The following KIF13B variants were observed in gnomAD, a reference collection of about 807,000 sequenced individuals.
KIF13B encodes kinesin family member 13B, also known as kinesin-like protein KIF13B.
A neutral mutation model predicts 222.0 loss-of-function variants in KIF13B; 127 were observed. The observed-to-expected ratio is 0.57, with a 90% CI of 0.50 to 0.66. The LOEUF (loss-of-function observed/expected upper bound fraction) is 0.66. KIF13B is among the 30% of genes least tolerant of loss of function. The probability of loss-of-function intolerance (pLI) is 0.00; values close to 1 mark genes in which losing one functional copy is unlikely to be tolerated. For missense variants in KIF13B, 2,173 were observed against 2,379.0 expected (o/e 0.91, Z 1.80); for synonymous variants, 976 against 919.0 (o/e 1.06, Z -1.12).
chr8:29,084,919 C>G (rs1807975760), intron 37 of KIF13B, among the ~76,000 whole-genome samples: 1 of 152,204 alleles, frequency 6.6e-6, no homozygotes, highest in Non-Finnish European at 1.5e-5. Flanking sequence ...TCAGCTGCCA[C>G]CTCTTTCAGT....
intron 2 of KIF13B, among the ~76,000 whole-genome samples, chr8:29,240,760 T>C (rs1282597741): frequency 6.6e-6 from 1 of 152,218 alleles, no homozygotes. Context: ...CTGAATGCCT[T>C]GAGGCAGGAT....
chr8:29,107,006 C>T (rs1395713463), intron 35 of KIF13B, among the ~76,000 whole-genome samples: 3 of 152,116 alleles, frequency 2.0e-5, no homozygotes, highest in African/African-American at 7.2e-5. Flanking sequence ...GTGTGGTGCC[C>T]AAGTAAGACA....
rs1345194818 is a variant in KIF13B, at chr8:29,075,363, G to A, written c.4459-20C>T. ...CACGGGCTGAGGAGGCAAGTGTGCA[G>A]GTCAGGGGTCGAGAGGACAGAACAG... is the stretch of plus-strand genomic sequence containing the variant. On this transcript the variant is annotated intron_variant, in intron 37 of 39. Transcript: ENST00000524189. The A allele has an allele frequency of 6.4e-7, 1 of 1,552,446 alleles. No homozygotes were observed. The highest frequency in any genetic ancestry group is 1.2e-5 in the South Asian group (1 of 83,906).
chr8:29,117,356 A>T (rs1162636811), intron 30 of KIF13B, among the ~76,000 whole-genome samples: 3 of 152,164 alleles, frequency 2.0e-5, no homozygotes, highest in Non-Finnish European at 4.4e-5. Context: ...CTTTCTCACA[A>T]CTCACACACA....
At chr8:29,168,729 G>A (rs531821830) in intron 10 of KIF13B, among the ~76,000 whole-genome samples, 78 of 152,148 alleles carry the variant, frequency 5.1e-4, no homozygotes, top group African/African-American at 1.9e-3. Context: ...TGATGATGAC[G>A]GCAGCCCCCC....
intron 2 of KIF13B, among the ~76,000 whole-genome samples, chr8:29,238,362 G>C (rs757655848): frequency 2.0e-5 from 3 of 152,058 alleles, no homozygotes; most frequent in Non-Finnish European, 4.4e-5. Flanking sequence ...ATACTTTAAG[G>C]GCTCCAATCT....
In KIF13B at chr8:29,112,667, G is replaced by A. The variant is rs368648370; in HGVS notation, c.3930+796C>T. 2.6e-5 allele frequency among the ~76,000 whole-genome samples: 4 copies of A among 152,190 alleles called. No homozygotes were observed. The South Asian group carries it at 6.2e-4, about 24-fold the overall frequency. ...CCCACATCCCCTCTTTGAGGGTGAG[G>A]GTGGGAGAAGGAATTTTCTCTTTTC... On this transcript the variant is annotated intron_variant, in intron 32 of 39. Transcript: ENST00000524189.
At chr8:29,179,376 C>T (rs183304929) in intron 8 of KIF13B, among the ~76,000 whole-genome samples, 4 of 152,310 alleles carry the variant, frequency 2.6e-5, no homozygotes, top group South Asian at 2.1e-4. Flanking sequence ...CTTGGCCTCC[C>T]GAAGTGCTGG....
chr8:29,130,539 G>A lies in KIF13B; in HGVS notation c.3069C>T (p.Leu1023=), dbSNP rs1457354490. 1.2e-6 allele frequency: 2 copies of A among 1,613,658 alleles called. No homozygotes were observed. The highest frequency in any genetic ancestry group is 1.3e-5 in the African/African-American group (1 of 74,920). ...ACATTCACAATCTTGTTACCTGCCG[G>A]AGCTGGAAGATTCCTCCTGTTGGGA... The part of the protein sequence containing the change: ...KDVPTGGIFQ[L]RQGQSRRVQV... The change falls in exon 24 of 40, where the codon CTC becomes CTT. Residue 1023 remains leucine (L), a synonymous_variant. Coordinates refer to ENST00000524189, the MANE Select transcript of KIF13B (RefSeq NM_015254.4).
chr8:29,226,869 G>GA (rs1367809348), intron 2 of KIF13B, among the ~76,000 whole-genome samples: 1 of 152,036 alleles, frequency 6.6e-6, no homozygotes, highest in Non-Finnish European at 1.5e-5. Flanking sequence ...TTCCAAGTTG[G>GA]AAAATGGAAG....
chr8:29,250,364 C>T (rs1816230230), intron 1 of KIF13B, among the ~76,000 whole-genome samples: 1 of 152,124 alleles, frequency 6.6e-6, no homozygotes, highest in South Asian at 2.1e-4. Context: ...CTCTCATATG[C>T]TCTTAACAGC....
intron 14 of KIF13B, among the ~76,000 whole-genome samples, chr8:29,151,886 T>G (rs1166104560): frequency 7.4e-6 from 1 of 134,598 alleles, no homozygotes; most frequent in African/African-American, 2.5e-5. Flanking sequence ...AGGCTATAGC[T>G]GCTATAGACA....
At chr8:29,076,784 G>T (rs75944465) in intron 37 of KIF13B, among the ~76,000 whole-genome samples, 1 of 152,188 alleles carries the variant, frequency 6.6e-6, no homozygotes, top group Non-Finnish European at 1.5e-5. Flanking sequence ...GAGAGGACTC[G>T]AGAGGAAACG....
intron 6 of KIF13B, among the ~76,000 whole-genome samples, chr8:29,186,018 G>A (rs1458198962): frequency 2.6e-5 from 4 of 152,066 alleles, no homozygotes; most frequent in African/African-American, 9.7e-5. Context: ...TAAAGACTAG[G>A]TTTCATCTCT....
chr8:29,220,794 G>GT (rs1814707079), intron 2 of KIF13B, among the ~76,000 whole-genome samples: 1 of 152,044 alleles, frequency 6.6e-6, no homozygotes, highest in East Asian at 1.9e-4. Flanking sequence ...GAGAGATAAC[G>GT]TTTAAGGTTG....
At position 29,072,318 on chromosome 8, in the gene KIF13B, TGCA is replaced by T. The variant is rs1478167128; in HGVS notation, c.4522-5_4522-3del. 7.1e-7 allele frequency: 1 copy of T among 1,406,282 alleles called. No homozygotes were observed. Among genetic ancestry groups the T allele is most frequent in the African/African-American group, 1.5e-5 (1 of 66,924 alleles). 87.1% of individuals were successfully genotyped at this position (1,406,282 alleles called of 1,614,324 possible). On this transcript the variant is annotated splice_region_variant and splice_polypyrimidine_tract_variant and intron_variant, in intron 38 of 39. Transcript: ENST00000524189. ...GTCAGGGCCCATCTCCGGCTGAGCC[TGCA>T]GCAGGACGGGGAAGCAGGGGCTGAG... is the stretch of plus-strand genomic sequence containing the variant.
chr8:29,121,854 A>G (rs1563719024), intron 29 of KIF13B, among the ~76,000 whole-genome samples: 1 of 152,172 alleles, frequency 6.6e-6, no homozygotes, highest in Admixed American at 6.5e-5. Flanking sequence ...CTCATAGAAA[A>G]AGTGAGATAT....
chr8:29,089,053 T>A (rs566163104), intron 37 of KIF13B, among the ~76,000 whole-genome samples: 23 of 152,302 alleles, frequency 1.5e-4, no homozygotes, highest in African/African-American at 5.1e-4. Context: ...TATGTCTTCA[T>A]CCCTCTAATC....
chr8:29,202,776 G>A (rs1784996235), intron 2 of KIF13B, among the ~76,000 whole-genome samples: 3 of 152,158 alleles, frequency 2.0e-5, no homozygotes, highest in Non-Finnish European at 4.4e-5. Flanking sequence ...AAAAGGAGCA[G>A]TGAGCCTCCA....
Sources: gnomAD v4.1 joint callset for allele counts (sites outside exome capture counted in the v4.1 genomes callset) on GRCh38, gnomAD v4.1.1 for gene constraint, MANE v1.5 for transcripts, NCBI Gene and HGNC (gene_info 2026-07-23, HGNC 2026-07-21) for gene names.